Variants in PDE8B observed in about 807,000 individuals in gnomAD.
PDE8B encodes phosphodiesterase 8B, also known as high affinity cAMP-specific and IBMX-insensitive 3',5'-cyclic phosphodiesterase 8B.
Under a neutral mutation model 101.3 loss-of-function variants are expected in PDE8B, and 26 were observed. The observed-to-expected ratio is 0.26, with a 90% CI of 0.19 to 0.36. The LOEUF is 0.36. Ranked by LOEUF, PDE8B falls within the 10% of genes least tolerant of loss-of-function variation. The probability of loss-of-function intolerance (pLI) is 1.00; values close to 1 mark genes in which losing one functional copy is unlikely to be tolerated. For synonymous variants in PDE8B, 424 were observed against 429.3 expected, an observed-to-expected ratio of 0.99 and a Z score of 0.15; for missense variants, 810 against 1,163.1, an observed-to-expected ratio of 0.70 and a Z score of 4.42.
the PDE8B span, among the ~76,000 whole-genome samples, chr5:77,120,474 G>A: frequency 6.6e-6 from 1 of 152,216 alleles, no homozygotes; most frequent in African/African-American, 2.4e-5. Flanking sequence ...GCATGCTGAA[G>A]TGTTAAGGGT....
intron 1 of PDE8B, among the ~76,000 whole-genome samples, chr5:77,261,438 T>C (rs900979640): frequency 6.6e-6 from 1 of 152,234 alleles, no homozygotes; most frequent in Non-Finnish European, 1.5e-5. Flanking sequence ...TTGACAGCAG[T>C]TGAAGATTGG....
intron 1 of PDE8B, among the ~76,000 whole-genome samples, chr5:77,300,424 C>A (rs909143230): frequency 5.3e-5 from 8 of 152,176 alleles, no homozygotes; most frequent in African/African-American, 1.9e-4. Flanking sequence ...AGAACTGTAC[C>A]CCTTTCATAC....
At chr5:77,381,231 T>C (rs534440237) in intron 10 of PDE8B, among the ~76,000 whole-genome samples, 7 of 152,310 alleles carry the variant, frequency 4.6e-5, no homozygotes, top group South Asian at 2.1e-4. Flanking sequence ...CACTGGCTGA[T>C]GAGAATAGAC....
intron 21 of PDE8B, chr5:77,426,169 T>G (rs553102831): frequency 1.7e-6 from 1 of 588,806 alleles, no homozygotes; most frequent in East Asian, 2.9e-5. Flanking sequence ...ACTGCAGTGT[T>G]TTTCTGTCGT....
chr5:77,424,878 T>C (rs749699592), intron 20 of PDE8B, among the ~76,000 whole-genome samples: 3 of 151,050 alleles, frequency 2.0e-5, no homozygotes, highest in South Asian at 2.1e-4. Flanking sequence ...CAAACTGGAG[T>C]GCAGTGGCAG....
At chr5:77,347,719 A>T (rs1236202226) in intron 7 of PDE8B, among the ~76,000 whole-genome samples, 2 of 152,160 alleles carry the variant, frequency 1.3e-5, no homozygotes, top group Non-Finnish European at 2.9e-5. Context: ...TTGGGAGTGG[A>T]CTAGGTAGGG....
intron 1 of PDE8B, among the ~76,000 whole-genome samples, chr5:77,221,295 G>A (rs1380163510): frequency 6.6e-6 from 1 of 151,938 alleles, no homozygotes; most frequent in African/African-American, 2.4e-5. Flanking sequence ...CTATATACTT[G>A]CAGTTTGTTT....
chr5:77,387,225 G>T (rs1259960616), intron 10 of PDE8B, among the ~76,000 whole-genome samples: 1 of 152,008 alleles, frequency 6.6e-6, no homozygotes, highest in Non-Finnish European at 1.5e-5. Flanking sequence ...TCCATGTTTA[G>T]TGCTTCTTTC....
chr5:77,208,866 A>C (rs1417327825), upstream of PDE8B, among the ~76,000 whole-genome samples: 1 of 152,126 alleles, frequency 6.6e-6, no homozygotes, highest in Non-Finnish European at 1.5e-5. Flanking sequence ...ACAACTCAGA[A>C]CCCAGCCCCA....
the PDE8B span, among the ~76,000 whole-genome samples, chr5:77,109,684 G>A: frequency 6.6e-6 from 1 of 152,192 alleles, no homozygotes; most frequent in Non-Finnish European, 1.5e-5. Flanking sequence ...CCAGAGGTGA[G>A]AGCTCTGTGT....
intron 1 of PDE8B, among the ~76,000 whole-genome samples, chr5:77,213,157 A>G (rs1207561968): frequency 6.6e-6 from 1 of 152,232 alleles, no homozygotes; most frequent in Non-Finnish European, 1.5e-5. Flanking sequence ...GCTTGTATAA[A>G]CTTGTATTAA....
At chr5:77,371,721 G>A (rs187091293) in intron 10 of PDE8B, among the ~76,000 whole-genome samples, 2 of 152,176 alleles carry the variant, frequency 1.3e-5, no homozygotes, top group African/African-American at 4.8e-5. Flanking sequence ...CATGATATGG[G>A]GTAGTTTTAT....
the PDE8B span, among the ~76,000 whole-genome samples, chr5:77,090,752 C>CGTGT: frequency 4.0e-5 from 6 of 150,064 alleles, no homozygotes; most frequent in South Asian, 2.1e-4. Context: ...GAATAATATC[C>CGTGT]GTGTGTGTGT....
chr5:77,155,655 TC>T, the PDE8B span, among the ~76,000 whole-genome samples: 1 of 152,136 alleles, frequency 6.6e-6, no homozygotes, highest in African/African-American at 2.4e-5. Flanking sequence ...GCTGTCATCA[TC>T]ACTGAGGTAG....
At chr5:77,411,995 G>T in intron 15 of PDE8B, 105 bp from the exon 16 acceptor site, 1 of 1,172,740 alleles carries the variant, frequency 8.5e-7, no homozygotes, top group Non-Finnish European at 1.3e-6. Flanking sequence ...GAAAAATCAG[G>T]TACAAGACTT....
intron 1 of PDE8B, among the ~76,000 whole-genome samples, chr5:77,311,710 C>T (rs1202288544): frequency 6.6e-6 from 1 of 152,142 alleles, no homozygotes; most frequent in Non-Finnish European, 1.5e-5. Flanking sequence ...TTATAAAAAT[C>T]CAGACACTTC....
At chr5:77,281,169 A>C (rs1764905471) in intron 1 of PDE8B, among the ~76,000 whole-genome samples, 1 of 152,136 alleles carries the variant, frequency 6.6e-6, no homozygotes, top group African/African-American at 2.4e-5. Context: ...CCTCAGCTCC[A>C]GTTTCATTCT....
intron 7 of PDE8B, among the ~76,000 whole-genome samples, chr5:77,345,680 G>T (rs1485374847): frequency 6.6e-6 from 1 of 152,186 alleles, no homozygotes; most frequent in Non-Finnish European, 1.5e-5. Flanking sequence ...AAGAAATGAG[G>T]TGTTCTTATT....
chr5:77,319,154 T>G (rs1486735326), intron 2 of PDE8B, among the ~76,000 whole-genome samples: 1 of 152,238 alleles, frequency 6.6e-6, no homozygotes, highest in Non-Finnish European at 1.5e-5. Flanking sequence ...TGCACAGATT[T>G]CATGGTTTAC....
Sources: allele counts gnomAD v4.1 joint callset (sites outside exome capture counted in the v4.1 genomes callset), GRCh38; gene constraint gnomAD v4.1.1; transcripts MANE v1.5; gene names NCBI Gene and HGNC (gene_info 2026-07-23, HGNC 2026-07-21).